TRAPPC9: variants seen among roughly 807,000 people sequenced by gnomAD.
TRAPPC9 encodes trafficking protein particle complex subunit 9.
In TRAPPC9, 83 loss-of-function variants were observed where a neutral mutation model predicts 124.0. The observed-to-expected ratio is 0.67, with a 90% confidence interval of 0.56 to 0.80. The LOEUF (loss-of-function observed/expected upper bound fraction) is 0.80. TRAPPC9 is among the 30% of genes least tolerant of loss of function. The pLI, the probability that TRAPPC9 is intolerant of heterozygous loss-of-function variation, is 0.00. For missense variants in TRAPPC9, 1,302 were observed against 1,508.3 expected (o/e 0.86, Z 2.27); for synonymous variants, 638 against 617.5 (o/e 1.03, Z -0.49).
chr8:139,887,033 C>T (rs548039910), intron 20 of TRAPPC9, among the ~76,000 whole-genome samples: 19 of 152,150 alleles, frequency 1.2e-4, no homozygotes, highest in African/African-American at 4.3e-4. Flanking sequence ...CTCAGCAGAG[C>T]GGGCATATCC....
chr8:140,236,991 G>C (rs1190721920), intron 16 of TRAPPC9, among the ~76,000 whole-genome samples: 1 of 151,954 alleles, frequency 6.6e-6, no homozygotes, highest in Non-Finnish European at 1.5e-5. Context: ...GACCAGCCTG[G>C]CCAACATGGT....
chr8:139,964,244 A>AAAG lies in TRAPPC9; in HGVS notation c.2810+24481_2810+24482insCTT, dbSNP rs59677763. On this transcript the variant is annotated intron_variant, in intron 19 of 22. Transcript: ENST00000438773. ...TGTCTCAAAAAAAAAAAAAAAAAAAAAGCGGGGGAGCACCTCAGGAGGCCA... is the reference window on the plus strand; with the variant it reads ...TGTCTCAAAAAAAAAAAAAAAAAAAAAAGAGCGGGGGAGCACCTCAGGAGGCCA... Among the ~76,000 whole-genome samples, 2 of 138,030 alleles carry AAAG rather than the reference A, an allele frequency of 1.4e-5. 1 individual carries two copies. Among genetic ancestry groups the AAAG allele is most frequent in the Non-Finnish European group, 3.1e-5 (2 of 63,730 alleles). 90.6% of individuals were successfully genotyped at this position (138,030 alleles called of 152,430 possible). A position where few individuals can be genotyped will look rare whatever the true frequency, so the allele number is the denominator to read the frequency against.
At chr8:139,799,042 C>T (rs932613481) in intron 21 of TRAPPC9, among the ~76,000 whole-genome samples, 7 of 152,106 alleles carry the variant, frequency 4.6e-5, no homozygotes, top group African/African-American at 9.7e-5. Context: ...TAGAAAAATG[C>T]ATGTGATGAT....
intron 20 of TRAPPC9, among the ~76,000 whole-genome samples, chr8:139,898,387 T>A (rs1258367818): frequency 6.6e-6 from 1 of 152,100 alleles, no homozygotes; most frequent in South Asian, 2.1e-4. Flanking sequence ...TTCCACAGAG[T>A]TGGTCACAAG....
intron 19 of TRAPPC9, among the ~76,000 whole-genome samples, chr8:139,926,186 G>A (rs968144073): frequency 3.3e-5 from 5 of 152,242 alleles, no homozygotes; most frequent in African/African-American, 4.8e-5. Flanking sequence ...ATGCAGCAGA[G>A]GCCTGGGGAG....
intron 19 of TRAPPC9, among the ~76,000 whole-genome samples, chr8:139,964,338 G>C (rs1835556647): frequency 6.6e-6 from 1 of 152,066 alleles, no homozygotes; most frequent in African/African-American, 2.4e-5. Context: ...ACAGATGGAT[G>C]GTGGTCTCTC....
chr8:140,312,318 G>A (rs1484354157), intron 9 of TRAPPC9, among the ~76,000 whole-genome samples: 5 of 152,162 alleles, frequency 3.3e-5, no homozygotes, highest in African/African-American at 9.7e-5. Context: ...GGACACGATC[G>A]CCAGGGATGA....
chr8:139,754,695 C>A (rs1264507757), intron 21 of TRAPPC9, among the ~76,000 whole-genome samples: 6 of 152,240 alleles, frequency 3.9e-5, no homozygotes, highest in Admixed American at 2.0e-4. Context: ...TCCTTCCCAC[C>A]GTGCTGACCT....
chr8:140,340,168 TA>T (rs2067153057), intron 9 of TRAPPC9, among the ~76,000 whole-genome samples: 1 of 152,194 alleles, frequency 6.6e-6, no homozygotes. Context: ...TTTTTTAAAC[TA>T]AATTGGTCAG....
intron 17 of TRAPPC9, among the ~76,000 whole-genome samples, chr8:140,177,866 T>G (rs908088994): frequency 1.3e-5 from 2 of 152,136 alleles, no homozygotes; most frequent in African/African-American, 4.8e-5. Context: ...TGTACAATTC[T>G]TGCACATCTT....
chr8:140,069,929 A>G (rs1843069034), intron 17 of TRAPPC9, among the ~76,000 whole-genome samples: 1 of 152,228 alleles, frequency 6.6e-6, no homozygotes, highest in African/African-American at 2.4e-5. Context: ...GTCCAAGTGC[A>G]GGAAGAGAAA....
rs80205060 is a variant in TRAPPC9, at chr8:140,131,722, G to A, written c.2556+89737C>T. 4.1e-3 allele frequency among the ~76,000 whole-genome samples: 622 copies of A among 152,310 alleles called. 8 individuals are homozygous for A. The highest frequency in any genetic ancestry group is 0.013 in the African/African-American group (561 of 41,556). On this transcript the variant is annotated intron_variant, in intron 17 of 22. Transcript: ENST00000438773. ...CTTGAGGGAACAAAGGCTTGAGGGC[G>A]AGTCGCCTGGTGGTCCTCTCCATCC...
intron 19 of TRAPPC9, among the ~76,000 whole-genome samples, chr8:139,977,597 G>A (rs1194030866): frequency 3.8e-4 from 51 of 133,214 alleles, no homozygotes; most frequent in Non-Finnish European, 6.3e-4. Context: ...CAGCCTGGGC[G>A]ACAGAGTGAG....
chr8:140,240,738 TC>T (rs1429078071), intron 16 of TRAPPC9, among the ~76,000 whole-genome samples: 2 of 151,830 alleles, frequency 1.3e-5, no homozygotes, highest in African/African-American at 4.8e-5. Context: ...AGAGATGGGG[TC>T]TTGTTGCACT....
At chr8:139,968,213 T>C (rs1835836614) in intron 19 of TRAPPC9, among the ~76,000 whole-genome samples, 1 of 151,970 alleles carries the variant, frequency 6.6e-6, no homozygotes, top group Non-Finnish European at 1.5e-5. Flanking sequence ...ACAATGGTGC[T>C]TCTGTGTGCT....
chr8:140,052,036 T>C (rs933294431), intron 17 of TRAPPC9, among the ~76,000 whole-genome samples: 3 of 152,020 alleles, frequency 2.0e-5, no homozygotes, highest in African/African-American at 4.8e-5. Flanking sequence ...TTAAGAAAGA[T>C]GGAGCATCAG....
chr8:140,248,016 C>T (rs1036249305), intron 16 of TRAPPC9, among the ~76,000 whole-genome samples: 2 of 152,072 alleles, frequency 1.3e-5, no homozygotes, highest in African/African-American at 2.4e-5. Context: ...TATGTTATCT[C>T]GCTGCTTATG....
chr8:140,314,681 A>C (rs1307287274), intron 9 of TRAPPC9, among the ~76,000 whole-genome samples: 1 of 152,222 alleles, frequency 6.6e-6, no homozygotes, highest in African/African-American at 2.4e-5. Context: ...CACCTGAGGA[A>C]GACCATGAGG....
intron 19 of TRAPPC9, among the ~76,000 whole-genome samples, chr8:139,972,934 G>A (rs756607373): frequency 3.9e-5 from 6 of 152,130 alleles, no homozygotes; most frequent in Non-Finnish European, 7.3e-5. Flanking sequence ...CCAGGGGCTC[G>A]GCTGAAGCCC....
Sources: allele counts gnomAD v4.1 joint callset (sites outside exome capture counted in the v4.1 genomes callset), GRCh38; gene constraint gnomAD v4.1.1; transcripts MANE v1.5; gene names NCBI Gene and HGNC (gene_info 2026-07-23, HGNC 2026-07-21).